CFAP161: variants seen among roughly 807,000 people sequenced by gnomAD.
CFAP161 encodes the protein cilia and flagella associated protein 161.
CFAP161 carries 25 observed loss-of-function variants against 29.0 expected under a neutral mutation model. That is an observed-to-expected ratio of 0.86 (90% CI 0.63 to 1.20). CFAP161 has a LOEUF of 1.20. CFAP161 is among the 50% of genes most tolerant of loss of function. The pLI is 0.00. For synonymous variants in CFAP161, 116 were observed against 137.4 expected, an observed-to-expected ratio of 0.84 and a Z score of 1.09; for missense variants, 367 against 371.9, an observed-to-expected ratio of 0.99 and a Z score of 0.11.
At chr15:81,147,074 T>C (rs1286547725) in intron 5 of CFAP161, among the ~76,000 whole-genome samples, 2 of 151,594 alleles carry the variant, frequency 1.3e-5, no homozygotes. Flanking sequence ...CATATATGAA[T>C]GCTCCCTCTG....
At chr15:81,128,131 T>C (rs1293591376) in intron 2 of CFAP161, among the ~76,000 whole-genome samples, 1 of 152,188 alleles carries the variant, frequency 6.6e-6, no homozygotes, top group African/African-American at 2.4e-5. Flanking sequence ...TAGAATCTTT[T>C]CGTTATCAGG....
At chr15:81,147,257 G>C (rs912889187) in intron 5 of CFAP161, among the ~76,000 whole-genome samples, 4 of 151,610 alleles carry the variant, frequency 2.6e-5, no homozygotes, top group Non-Finnish European at 5.9e-5. Context: ...CTCCTTTTTT[G>C]GTTGTTGTTG....
chr15:81,137,976 C>T, intron 3 of CFAP161, 75 bp from the exon 4 acceptor site: 1 of 1,071,148 alleles, frequency 9.3e-7, no homozygotes, highest in Non-Finnish European at 1.4e-6. Context: ...AAATTGCATG[C>T]ATAAAAAATA....
chr15:81,119,844 C>T (rs1481043980), intron 1 of CFAP161, among the ~76,000 whole-genome samples: 6 of 151,770 alleles, frequency 4.0e-5, no homozygotes, highest in Admixed American at 3.9e-4. Flanking sequence ...GTGCAGGAGG[C>T]CAGAAGTTCA....
intron 1 of CFAP161, among the ~76,000 whole-genome samples, chr15:81,123,134 G>A (rs116301235): frequency 0.57 from 86,406 of 151,492 alleles, 25,847 homozygotes; most frequent in Non-Finnish European, 0.68. Context: ...CCTGAATGGT[G>A]GTACCTCATT....
chr15:81,116,650 A>G (rs1201296687), intron 1 of CFAP161, among the ~76,000 whole-genome samples: 5 of 152,156 alleles, frequency 3.3e-5, no homozygotes, highest in East Asian at 1.9e-4. Flanking sequence ...GAAAACATCA[A>G]CTTTTTCCCC....
At chr15:81,145,413 G>C (rs1180864591) in intron 5 of CFAP161, among the ~76,000 whole-genome samples, 1 of 152,170 alleles carries the variant, frequency 6.6e-6, no homozygotes, top group Non-Finnish European at 1.5e-5. Flanking sequence ...ATGAGGTTTT[G>C]TGAAGACTAA....
chr15:81,118,324 A>G, intron 1 of CFAP161: 3 of 453,590 alleles, frequency 6.6e-6, no homozygotes, highest in South Asian at 2.1e-5. Context: ...GCAGTTGTCC[A>G]AGACATGTTC....
intron 4 of CFAP161, among the ~76,000 whole-genome samples, chr15:81,139,144 A>T (rs1381557918): frequency 2.0e-5 from 3 of 151,958 alleles, no homozygotes; most frequent in Non-Finnish European, 4.4e-5. Context: ...TCAACTAAAA[A>T]TTTTAAAAAA....
intron 4 of CFAP161, among the ~76,000 whole-genome samples, chr15:81,143,367 G>A (rs977231859): frequency 6.6e-6 from 1 of 152,150 alleles, no homozygotes; most frequent in African/African-American, 2.4e-5. Context: ...ATATCCTGAA[G>A]GGGAACAGGG....
chr15:81,134,391 T>G lies in CFAP161; in HGVS notation c.62T>G (p.Leu21Arg), dbSNP rs114773212. 20 of 1,584,578 alleles carry G rather than the reference T, an allele frequency of 1.3e-5. No individual in the cohort carries two copies. The highest frequency in any genetic ancestry group is 1.7e-5 in the Non-Finnish European group (20 of 1,166,212). The part of the protein sequence containing the change: ...RIGNWNEDVY[L>R]EEELMKDFLE... Reference sequence around the variant, plus strand: ...GGCAACTGGAATGAGGATGTCTACCTGGAGGAGGTACGCAGGGTGTGGCCA... The same window carrying G: ...GGCAACTGGAATGAGGATGTCTACCGGGAGGAGGTACGCAGGGTGTGGCCA... The change falls in exon 1 of 7, where the codon CTG (leucine) becomes CGG (arginine). Residue 21 changes from leucine to arginine, a missense_variant. By Grantham distance (102) the Leu-to-Arg change is moderately radical. Transcript: ENST00000286732.
rs1894961789 is a variant in CFAP161 at position 81,143,958 on chromosome 15, AAC to A, written c.636+144_636+145del. On this transcript the variant is annotated intron_variant, in intron 5 of 6. Coordinates refer to ENST00000286732, the MANE Select transcript of CFAP161 (RefSeq NM_173528.4). ...TTTCTGTCTTTTTTTTTCCATTTAT[AAC>A]ACACAGACTTATAGCTCAAATGCCT... The A allele has an allele frequency of 1.1e-5, 11 of 969,136 alleles. No homozygotes were observed. The South Asian group carries it at 1.9e-4, about 17-fold the overall frequency. The allele number at this position is 969,136 out of a possible 1,614,324, so 60.0% of individuals were successfully genotyped here. A position where few individuals can be genotyped will look rare whatever the true frequency, so the allele number is the denominator to read the frequency against.
chr15:81,138,018 T>G (rs773504886), intron 3 of CFAP161, 33 bp from the exon 4 acceptor site: 1 of 1,481,150 alleles, frequency 6.8e-7, no homozygotes, highest in Non-Finnish European at 9.4e-7. Flanking sequence ...ACAGAGAGTT[T>G]ACATTTACAT....
chr15:81,113,323 C>T (rs1236080090), intron 1 of CFAP161, among the ~76,000 whole-genome samples: 1 of 152,196 alleles, frequency 6.6e-6, no homozygotes, highest in African/African-American at 2.4e-5. Flanking sequence ...TTTTCCAACA[C>T]TAACAACCAA....
rs543392858 is a variant in CFAP161 at position 81,136,590 on chromosome 15, T to C, written c.234T>C (p.Pro78=). Residue 78 remains proline, a synonymous_variant, in exon 3 of 7, where the codon CCT becomes CCC. Transcript: ENST00000286732. ...DKVMLVNPDD[P]DTEADVFLRG... ...TGATGCTTGTGAATCCTGATGATCC[T>C]GACACAGAAGCTGATGTGTTTCTGC... The C allele has an allele frequency of 3.1e-6, 5 of 1,614,206 alleles. No individual in the cohort carries two copies. In the South Asian group the frequency reaches 5.5e-5, roughly 18 times the overall value.
At chr15:81,103,458 G>T (rs1372476606) in intron 1 of CFAP161, among the ~76,000 whole-genome samples, 1 of 152,016 alleles carries the variant, frequency 6.6e-6, no homozygotes, top group African/African-American at 2.4e-5. Context: ...GGGACCTTAT[G>T]AACCTTCCAT....
intron 5 of CFAP161, among the ~76,000 whole-genome samples, chr15:81,144,919 C>T (rs948116419): frequency 7.9e-5 from 12 of 152,148 alleles, no homozygotes; most frequent in African/African-American, 2.2e-4. Context: ...GACACTTTCT[C>T]CGGATGCTGG....
At chr15:81,135,541 G>T (rs1894795683) in intron 2 of CFAP161, among the ~76,000 whole-genome samples, 182 bp downstream of exon 2, 1 of 113,630 alleles carries the variant, frequency 8.8e-6, no homozygotes, top group African/African-American at 3.6e-5. Flanking sequence ...ACAGGCCCCA[G>T]TGTGCGATGT....
chr15:81,123,051 C>T (rs1174507855), intron 1 of CFAP161, among the ~76,000 whole-genome samples: 1 of 152,128 alleles, frequency 6.6e-6, no homozygotes, highest in Non-Finnish European at 1.5e-5. Flanking sequence ...AATTAGATCC[C>T]ATTTGTTAAT....
Sources: allele counts gnomAD v4.1 joint callset (sites outside exome capture counted in the v4.1 genomes callset), GRCh38; gene constraint gnomAD v4.1.1; transcripts MANE v1.5; gene names NCBI Gene and HGNC (gene_info 2026-07-23, HGNC 2026-07-21).